ANKS1B: variants seen among roughly 807,000 people sequenced by gnomAD.
The protein encoded by ANKS1B is ankyrin repeat and sterile alpha motif domain-containing protein 1B.
Under a neutral mutation model 148.3 loss-of-function variants are expected in ANKS1B, and 36 were observed. The observed-to-expected ratio is 0.24, with a 90% CI of 0.19 to 0.32. The LOEUF (loss-of-function observed/expected upper bound fraction) is 0.32, where lower values mean the gene tolerates loss of function less well. Ranked by LOEUF, ANKS1B falls within the 10% of genes least tolerant of loss-of-function variation. ANKS1B has a pLI of 1.00. For missense variants in ANKS1B, 1,157 were observed against 1,542.6 expected (o/e 0.75, Z 4.19); for synonymous variants, 542 against 560.8 (o/e 0.97, Z 0.47).
At chr12:99,414,983 A>G (rs1162200053) in intron 11 of ANKS1B, among the ~76,000 whole-genome samples, 1 of 152,206 alleles carries the variant, frequency 6.6e-6, no homozygotes, top group Non-Finnish European at 1.5e-5. Flanking sequence ...TTCTTCATAC[A>G]ATGTATTCAA....
chr12:99,662,848 C>T (rs988197948), intron 8 of ANKS1B, among the ~76,000 whole-genome samples: 8 of 152,026 alleles, frequency 5.3e-5, no homozygotes, highest in African/African-American at 1.7e-4. Flanking sequence ...GGGTGCTTTT[C>T]ATCTCCCCTT....
Position 99,415,515 on chromosome 12 carries a change from A to T in ANKS1B, c.1576-15704T>A, listed in dbSNP as rs2152690989. On this transcript the variant is annotated intron_variant, in intron 11 of 26. Coordinates refer to ENST00000683438, the MANE Select transcript of ANKS1B (RefSeq NM_001352186.2). ...TTTAAATAGCTTAATTTTTTAATTA[A>T]ATTTTTTATTTTCAATAATTGTAGA... 1.3e-5 allele frequency among the ~76,000 whole-genome samples: 2 copies of T among 152,318 alleles called. 1 individual carries two copies.
intron 11 of ANKS1B, 46 bp from the exon 12 acceptor site, chr12:99,399,857 T>C: frequency 3.1e-6 from 5 of 1,588,912 alleles, no homozygotes; most frequent in Non-Finnish European, 4.3e-6. Context: ...ATCATGTTCA[T>C]CTTCAGCCCA....
At chr12:98,800,536 C>A (rs721799) in intron 21 of ANKS1B, among the ~76,000 whole-genome samples, 127,733 of 151,808 alleles carry the variant, frequency 0.84, 54,012 homozygotes, top group East Asian at 1. Context: ...AAACAACTAA[C>A]CTAAACTAAA....
intron 14 of ANKS1B, among the ~76,000 whole-genome samples, chr12:99,162,504 T>C (rs1318008209): frequency 6.6e-6 from 1 of 152,102 alleles, no homozygotes; most frequent in African/African-American, 2.4e-5. Flanking sequence ...GTTTTTTTTC[T>C]TCTTTAGTTT....
intron 14 of ANKS1B, among the ~76,000 whole-genome samples, chr12:99,185,098 C>A (rs1215345972): frequency 2.0e-5 from 3 of 152,170 alleles, no homozygotes; most frequent in Non-Finnish European, 4.4e-5. Flanking sequence ...GGTCCAAGAG[C>A]TGCATCAGAA....
At chr12:99,155,791 C>T (rs753828637) in intron 14 of ANKS1B, among the ~76,000 whole-genome samples, 17 of 152,132 alleles carry the variant, frequency 1.1e-4, no homozygotes, top group Admixed American at 3.9e-4. Flanking sequence ...TAAAATGTTC[C>T]TAGAGGAATA....
chr12:98,849,765 C>A (rs2099511674), intron 17 of ANKS1B, among the ~76,000 whole-genome samples: 1 of 152,092 alleles, frequency 6.6e-6, no homozygotes. Flanking sequence ...AAAAGAGTAA[C>A]CCTGCTCCCA....
chr12:99,921,936 G>C (rs12369867), intron 1 of ANKS1B, among the ~76,000 whole-genome samples: 9,569 of 151,996 alleles, frequency 0.063, 342 homozygotes, highest in Middle Eastern at 0.16. Flanking sequence ...TTTTCTACAA[G>C]TAACTTTAAG....
intron 17 of ANKS1B, among the ~76,000 whole-genome samples, chr12:98,881,882 T>C (rs988958098): frequency 3.3e-5 from 5 of 152,118 alleles, no homozygotes; most frequent in Non-Finnish European, 7.4e-5. Context: ...TAAATTAATA[T>C]GGAATAAGTA....
At chr12:99,876,012 A>G (rs566999104) in intron 1 of ANKS1B, among the ~76,000 whole-genome samples, 1 of 152,310 alleles carries the variant, frequency 6.6e-6, no homozygotes, top group African/African-American at 2.4e-5. Flanking sequence ...GAAGTTCATC[A>G]GTCCAGTTTT....
intron 9 of ANKS1B, chr12:99,648,364 A>G: frequency 1.2e-6 from 2 of 1,614,192 alleles, no homozygotes. Flanking sequence ...TGACGTGCAC[A>G]ACCGTGCCCG....
rs2097848641 is a variant in ANKS1B at position 98,744,887 on chromosome 12, C to G, written c.*852G>C. On this transcript the variant is annotated 3_prime_UTR_variant, in exon 27 of 27. Transcript: ENST00000683438. ...GGCTGCGTCAGCACTTCCGGGCCTC[C>G]TGCTCTAGGGAGCATCACCAGTATT... The G allele has an allele frequency of 1.0e-6, 1 of 985,558 alleles. No homozygotes were observed. The highest frequency in any genetic ancestry group is 1.2e-6 in the Non-Finnish European group (1 of 829,898). 61.1% of individuals were successfully genotyped at this position (985,558 alleles called of 1,614,324 possible). A position where few individuals can be genotyped will look rare whatever the true frequency, so the allele number is the denominator to read the frequency against.
At chr12:99,465,087 T>C (rs189548219) in intron 10 of ANKS1B, among the ~76,000 whole-genome samples, 216 of 152,268 alleles carry the variant, frequency 1.4e-3, no homozygotes, top group African/African-American at 4.7e-3. Flanking sequence ...GACTAACAGC[T>C]GAACTCTCTG....
chr12:98,775,904 G>A (rs1184578059), intron 24 of ANKS1B, among the ~76,000 whole-genome samples: 1 of 152,224 alleles, frequency 6.6e-6, no homozygotes, highest in East Asian at 1.9e-4. Context: ...AAGCTATAAG[G>A]AAAGCTCATG....
At chr12:99,440,821 T>C (rs531862245) in intron 11 of ANKS1B, among the ~76,000 whole-genome samples, 2 of 151,926 alleles carry the variant, frequency 1.3e-5, no homozygotes, top group African/African-American at 4.8e-5. Flanking sequence ...GAAAATAAAC[T>C]ACATAAAGGT....
At chr12:99,531,372 C>G (rs11109900) in intron 9 of ANKS1B, among the ~76,000 whole-genome samples, 2,070 of 152,228 alleles carry the variant, frequency 0.014, 50 homozygotes, top group African/African-American at 0.047. Context: ...AACTCTCCCC[C>G]CTTCTGAGTC....
intron 1 of ANKS1B, among the ~76,000 whole-genome samples, chr12:99,833,084 T>C (rs1205151145): frequency 6.6e-6 from 1 of 152,114 alleles, no homozygotes; most frequent in Non-Finnish European, 1.5e-5. Flanking sequence ...CATAGAAAAA[T>C]ACATGCAAAA....
chr12:99,497,028 C>G (rs1178894226), intron 10 of ANKS1B, among the ~76,000 whole-genome samples: 1 of 152,124 alleles, frequency 6.6e-6, no homozygotes, highest in African/African-American at 2.4e-5. Flanking sequence ...CTTCAACAAA[C>G]TACAGCCATC....
Sources: allele counts gnomAD v4.1 joint callset (sites outside exome capture counted in the v4.1 genomes callset), GRCh38; gene constraint gnomAD v4.1.1; transcripts MANE v1.5; gene names NCBI Gene and HGNC (gene_info 2026-07-23, HGNC 2026-07-21).